The following ABCC8 variants were observed in gnomAD, a reference collection of about 807,000 sequenced individuals.
The protein encoded by ABCC8 is ATP binding cassette subfamily C member 8, also known as ATP-binding cassette sub-family C member 8.
ABCC8 carries 137 observed loss-of-function variants against 188.0 expected under a neutral mutation model. That is an observed-to-expected ratio of 0.73 (90% CI 0.63 to 0.84). ABCC8 has a LOEUF of 0.84. ABCC8 is among the 40% of genes least tolerant of loss of function. The pLI is 0.00. For synonymous variants in ABCC8, 797 were observed against 846.5 expected, an observed-to-expected ratio of 0.94 and a Z score of 1.01; for missense variants, 1,750 against 2,072.7, an observed-to-expected ratio of 0.84 and a Z score of 3.02.
intron 2 of ABCC8, among the ~76,000 whole-genome samples, chr11:17,472,388 A>G (rs1848530597): frequency 6.6e-6 from 1 of 152,224 alleles, no homozygotes; most frequent in African/African-American, 2.4e-5. Flanking sequence ...ACATCACAGA[A>G]AGAAATAATA....
intron 16 of ABCC8, among the ~76,000 whole-genome samples, chr11:17,426,791 T>G (rs1057038264): frequency 1.3e-5 from 2 of 152,162 alleles, no homozygotes; most frequent in African/African-American, 4.8e-5. Context: ...TAAATGAGAA[T>G]TGAGAACAGT....
intron 1 of ABCC8, among the ~76,000 whole-genome samples, chr11:17,476,396 G>A (rs2133735905): frequency 6.6e-6 from 1 of 152,362 alleles, no homozygotes; most frequent in East Asian, 1.9e-4. Flanking sequence ...GATCCCATGG[G>A]TCACAAACGT....
At position 17,415,310 on chromosome 11, in the gene ABCC8, T is replaced by C. The variant is rs771942551; in HGVS notation, c.2285A>G (p.Asp762Gly). Residue 762 changes from aspartate to glycine, a missense_variant, in exon 18 of 39, where the codon GAT becomes GGT. By Grantham distance (94) the Asp-to-Gly change is moderately conservative (BLOSUM62 -1). Transcript: ENST00000389817. ...SPERETATDL[D>G]IRKRGPVAYA... is the part of the protein sequence containing the mutation. ...TGTTCCCAGGACGCAGTACCTGATA[T>C]CCAAGTCGGTCGCTGTCTCCCGCTC... The C allele has an allele frequency of 6.2e-7, 1 of 1,609,966 alleles. No individual in the cohort carries two copies. The highest frequency in any genetic ancestry group is 8.5e-7 in the Non-Finnish European group (1 of 1,178,804).
At chr11:17,439,395 C>A (rs998771955) in intron 10 of ABCC8, among the ~76,000 whole-genome samples, 4 of 152,120 alleles carry the variant, frequency 2.6e-5, no homozygotes, top group Non-Finnish European at 4.4e-5. Flanking sequence ...GGAAATGTGA[C>A]TCTGGGGCTC....
chr11:17,425,382 C>T (rs963700212), intron 16 of ABCC8, among the ~76,000 whole-genome samples: 14 of 152,300 alleles, frequency 9.2e-5, no homozygotes, highest in African/African-American at 3.4e-4. Context: ...ACATTGGGCC[C>T]AAAGTCTTTC....
At chr11:17,468,979 C>CTT (rs1267700369) in intron 3 of ABCC8, among the ~76,000 whole-genome samples, 4 of 152,054 alleles carry the variant, frequency 2.6e-5, no homozygotes, top group Non-Finnish European at 4.4e-5. Context: ...GTTAGCAAAC[C>CTT]TCAAGCTCTG....
rs530152803 is a variant in ABCC8 at position 17,396,921 on chromosome 11, G to A, written c.4114C>T (p.Gln1372Ter). Reference protein sequence around the residue: ...KHVNALIAPGQKIGICGRTGS... With the variant: ...KHVNALIAPG ...GGTTGGGCCCGTGCTCTGACCTTCT[G>A]TCCAGGGGCGATGAGGGCATTGACG... Residue 1372 changes from glutamine (Q) to a stop codon, truncating the protein, a stop_gained, in exon 33 of 39, where the codon CAG becomes TAG. Transcript: ENST00000389817. LOFTEE classifies it high-confidence loss of function. 1.2e-6 allele frequency: 2 copies of A among 1,614,072 alleles called. No individual in the cohort carries two copies. Among genetic ancestry groups the A allele is most frequent in the South Asian group, 1.1e-5 (1 of 91,088 alleles).
chr11:17,474,795 G>A (rs1848666337), intron 2 of ABCC8, 91 bp downstream of exon 2: 2 of 1,382,274 alleles, frequency 1.4e-6, no homozygotes, highest in Non-Finnish European at 2.1e-6. Context: ...ACATGGGCTT[G>A]TGGAATATAG....
chr11:17,433,497 C>T (rs1955940795), intron 10 of ABCC8, among the ~76,000 whole-genome samples: 1 of 152,250 alleles, frequency 6.6e-6, no homozygotes, highest in Non-Finnish European at 1.5e-5. Flanking sequence ...ACATACAAAG[C>T]ATTGTACATC....
At chr11:17,419,523 A>T (rs368883497) in intron 16 of ABCC8, among the ~76,000 whole-genome samples, 5 of 152,384 alleles carry the variant, frequency 3.3e-5, no homozygotes, top group African/African-American at 1.2e-4. Flanking sequence ...TGCATAAAGA[A>T]AAACTGGAAG....
At chr11:17,430,636 A>C (rs1325838572) in intron 12 of ABCC8, 178 bp downstream of exon 12, 6 of 767,394 alleles carry the variant, frequency 7.8e-6, no homozygotes, top group Non-Finnish European at 1.4e-5. Context: ...AGGGATGGCG[A>C]GCTGGGAAAC....
In ABCC8 at chr11:17,460,579, A is replaced by G; in HGVS notation, c.920T>C (p.Ile307Thr). 2 of 1,613,924 alleles carry G rather than the reference A, an allele frequency of 1.2e-6. No individual in the cohort carries two copies. The highest frequency in any genetic ancestry group is 2.2e-5 in the East Asian group (1 of 44,876). The change falls in exon 6 of 39, where the codon ATC becomes ACC. Residue 307 changes from isoleucine (I) to threonine (T), a missense_variant. By Grantham distance (89) the Ile-to-Thr change is moderately conservative (BLOSUM62 -1). Coordinates refer to ENST00000389817, the MANE Select transcript of ABCC8 (RefSeq NM_000352.6). Reference sequence around the variant, plus strand: ...GGCGAAGCCCAGCAGGTCGGCCAAGATGCGGAAAGTGCTGCTGAGGACCAG... The same window carrying G: ...GGCGAAGCCCAGCAGGTCGGCCAAGGTGCGGAAAGTGCTGCTGAGGACCAG... ...RRLVLSSTFR[I>T]LADLLGFAGP...
chr11:17,436,109 T>C (rs1956085568), intron 10 of ABCC8: 1 of 821,292 alleles, frequency 1.2e-6, no homozygotes, highest in South Asian at 1.3e-5. Context: ...ACAGCATTTC[T>C]GGTACAGAGC....
At chr11:17,398,468 G>T (rs1314936432) in intron 29 of ABCC8, 27 bp from the exon 30 acceptor site, 1 of 1,613,500 alleles carries the variant, frequency 6.2e-7, no homozygotes, top group East Asian at 2.2e-5. Flanking sequence ...AAGCTCCTAA[G>T]GGAACAGTGT....
intron 2 of ABCC8, among the ~76,000 whole-genome samples, chr11:17,471,336 C>G (rs1334424529): frequency 6.6e-6 from 1 of 152,158 alleles, no homozygotes; most frequent in African/African-American, 2.4e-5. Context: ...GAGGTGGCAC[C>G]AGGCTGGACT....
chr11:17,410,196 G>A (rs759758404), intron 22 of ABCC8: 4 of 322,824 alleles, frequency 1.2e-5, no homozygotes, highest in Non-Finnish European at 1.8e-5. Flanking sequence ...CTGCGGGGAT[G>A]GGTCATCAAA....
At chr11:17,448,793 G>T in intron 7 of ABCC8, 122 bp from the exon 8 acceptor site, 1 of 1,517,372 alleles carries the variant, frequency 6.6e-7, no homozygotes, top group Non-Finnish European at 9.1e-7. Flanking sequence ...CCCTAGAGCA[G>T]CTCTGTAAGG....
rs145349414 is a variant in ABCC8 at position 17,473,810 on chromosome 11, A to G, written c.290+1076T>C. On this transcript the variant is annotated intron_variant, in intron 2 of 38. Transcript: ENST00000389817. ...CCTGCGCTGAACACCTCAGGTTCCC[A>G]CCTAAAAGTGTTATGCTGATGACAT... 4.6e-3 allele frequency among the ~76,000 whole-genome samples: 696 copies of G among 152,254 alleles called. 29 individuals are homozygous for G. Among genetic ancestry groups the G allele is most frequent in the Admixed American group, 0.043 (652 of 15,286 alleles).
chr11:17,420,321 G>A (rs1301740646), intron 16 of ABCC8, among the ~76,000 whole-genome samples: 2 of 152,198 alleles, frequency 1.3e-5, no homozygotes, highest in East Asian at 3.9e-4. Flanking sequence ...CAGTGAGTCT[G>A]TCTCAGAGAG....
Sources: allele counts gnomAD v4.1 joint callset (sites outside exome capture counted in the v4.1 genomes callset), GRCh38; gene constraint gnomAD v4.1.1; transcripts MANE v1.5; gene names NCBI Gene and HGNC (gene_info 2026-07-23, HGNC 2026-07-21).